The following ABCE1 variants were observed in gnomAD, a reference collection of about 807,000 sequenced individuals.
The protein encoded by ABCE1 is ATP-binding cassette sub-family E member 1.
In ABCE1, 22 loss-of-function variants were observed where a neutral mutation model predicts 83.4. The observed-to-expected ratio is 0.26, with a 90% CI of 0.19 to 0.38. ABCE1 has a LOEUF of 0.38. Among genes scored for constraint, ABCE1 ranks in the 10% least tolerant of loss-of-function variants. The probability of loss-of-function intolerance (pLI) is 1.00; values close to 1 mark genes in which losing one functional copy is unlikely to be tolerated. For missense variants in ABCE1, 330 were observed against 721.9 expected (o/e 0.46, Z 6.22); for synonymous variants, 204 against 233.7 (o/e 0.87, Z 1.16).
chr4:145,127,373 G>A lies in ABCE1; in HGVS notation c.1753-153G>A, dbSNP rs187738265. ...GTAGTTATCTTTCCTTTGAGCAGTGGACCCAGGAATATCCAGAAACAGATG... is the reference window on the plus strand; with the variant it reads ...GTAGTTATCTTTCCTTTGAGCAGTGAACCCAGGAATATCCAGAAACAGATG... On this transcript the variant is annotated intron_variant, in intron 17 of 17. Transcript: ENST00000296577. Among the ~76,000 whole-genome samples, 10 of 152,264 alleles carry A rather than the reference G, an allele frequency of 6.6e-5. No individual in the cohort carries two copies. In the East Asian group the frequency reaches 1.9e-3, roughly 29 times the overall value.
intron 11 of ABCE1, 28 bp from the exon 12 acceptor site, chr4:145,121,146 A>G (rs1749732221): frequency 6.2e-7 from 1 of 1,610,770 alleles, no homozygotes; most frequent in Admixed American, 1.7e-5. Flanking sequence ...CATCTTTCAG[A>G]TCAAACTGTC....
chr4:145,126,252 T>C (rs2126716928), intron 17 of ABCE1, among the ~76,000 whole-genome samples: 1 of 152,234 alleles, frequency 6.6e-6, no homozygotes, highest in African/African-American at 2.4e-5. Flanking sequence ...AGAAAGTAAA[T>C]GAACTCTAAA....
chr4:145,122,853 T>C (rs144283643), intron 13 of ABCE1, 168 bp from the exon 14 acceptor site: 60 of 536,658 alleles, frequency 1.1e-4, no homozygotes, highest in African/African-American at 1.0e-3. Flanking sequence ...ATGATGGGTT[T>C]TGAATAGAAA....
chr4:145,108,286 T>A (rs1373455532), intron 4 of ABCE1, among the ~76,000 whole-genome samples, 174 bp downstream of exon 4: 2 of 152,212 alleles, frequency 1.3e-5, no homozygotes, highest in Non-Finnish European at 2.9e-5. Flanking sequence ...TCATTCTGGC[T>A]AACATTACAG....
At chr4:145,111,956 A>G (rs1372682806) in intron 8 of ABCE1, among the ~76,000 whole-genome samples, 1 of 152,208 alleles carries the variant, frequency 6.6e-6, no homozygotes, top group Non-Finnish European at 1.5e-5. Context: ...TTGAGACTAT[A>G]TCAGAATACT....
chr4:145,112,442 T>A (rs754013833), intron 9 of ABCE1, 114 bp downstream of exon 9: 3 of 763,938 alleles, frequency 3.9e-6, no homozygotes, highest in Non-Finnish European at 6.3e-6. Context: ...ATCTTGGTTG[T>A]TTATAGCTGC....
chr4:145,119,180 A>G (rs188436791), intron 10 of ABCE1, among the ~76,000 whole-genome samples: 1 of 152,052 alleles, frequency 6.6e-6, no homozygotes, highest in African/African-American at 2.4e-5. Flanking sequence ...TCAGTTCCAA[A>G]TAAAATGAAT....
intron 9 of ABCE1, among the ~76,000 whole-genome samples, chr4:145,112,768 G>T (rs879006928): frequency 6.6e-6 from 1 of 152,130 alleles, no homozygotes; most frequent in Admixed American, 6.5e-5. Context: ...AATACGCTGT[G>T]TTTATAGGGT....
chr4:145,109,505 A>G (rs916886497), intron 5 of ABCE1, among the ~76,000 whole-genome samples: 15 of 152,154 alleles, frequency 9.9e-5, no homozygotes, highest in Non-Finnish European at 4.4e-5. Flanking sequence ...ACACGTTTCT[A>G]TTTAATTTGT....
intron 2 of ABCE1, among the ~76,000 whole-genome samples, chr4:145,104,847 A>G (rs1325958141): frequency 6.6e-6 from 1 of 151,564 alleles, no homozygotes; most frequent in Non-Finnish European, 1.5e-5. Flanking sequence ...ATTAATTACT[A>G]TAATCAATGG....
intron 9 of ABCE1, 34 bp from the exon 10 acceptor site, chr4:145,117,259 A>T: frequency 6.4e-7 from 1 of 1,561,230 alleles, no homozygotes; most frequent in Non-Finnish European, 8.7e-7. Context: ...ATAGTTATGT[A>T]AGAGTTTTAA....
Position 145,112,454 on chromosome 4 carries a change from A to C in ABCE1, c.800+126A>C, listed in dbSNP as rs1309389292. ...TTTATCTTGGTTGTTTATAGCTGCC[A>C]CCTAAATTTACCTTTCTTTACCTAG... is the stretch of plus-strand genomic sequence containing the variant. On this transcript the variant is annotated intron_variant, in intron 9 of 17. Transcript: ENST00000296577. 8 of 679,712 alleles carry C rather than the reference A, an allele frequency of 1.2e-5. No individual in the cohort carries two copies. In the South Asian group the frequency reaches 1.6e-4, roughly 13 times the overall value. 42.1% of individuals were successfully genotyped at this position (679,712 alleles called of 1,614,324 possible).
At chr4:145,120,302 A>AT (rs1020310834) in intron 11 of ABCE1, 149 bp downstream of exon 11, 36 of 672,536 alleles carry the variant, frequency 5.4e-5, no homozygotes, top group Middle Eastern at 4.1e-4. Context: ...GTACTTTCAC[A>AT]TTTTTTTGGC....
chr4:145,121,339 T>C lies in ABCE1; in HGVS notation c.1211T>C (p.Val404Ala). The change falls in exon 13 of 18, where the codon GTA (valine) becomes GCA (alanine). Residue 404 changes from valine (V) to alanine (A), a missense_variant. Physicochemically the swap from Val to Ala is moderately conservative, Grantham distance 64. Transcript: ENST00000296577. ...GRLKPDEGGE[V>A]PVLNVSYKPQ... The stretch of plus-strand genomic sequence containing the variant: ...GTATTTCATTATTTTGCAGGAGAAG[T>C]ACCAGTTCTAAATGTCAGTTATAAG... 6.2e-7 allele frequency: 1 copy of C among 1,613,254 alleles called. No homozygotes were observed. The highest frequency in any genetic ancestry group is 8.5e-7 in the Non-Finnish European group (1 of 1,179,526).
chr4:145,123,185 T>G, intron 14 of ABCE1, 30 bp from the exon 15 acceptor site: 1 of 1,596,128 alleles, frequency 6.3e-7, no homozygotes, highest in Non-Finnish European at 8.5e-7. Context: ...TTGGATGCCT[T>G]TACATGGTTT....
At chr4:145,111,568 C>G (rs1210781688) in intron 8 of ABCE1, among the ~76,000 whole-genome samples, 1 of 152,144 alleles carries the variant, frequency 6.6e-6, no homozygotes, top group Non-Finnish European at 1.5e-5. Flanking sequence ...CCTCAATGAT[C>G]CACCCACCTC....
chr4:145,102,151 G>C (rs1749169235), intron 1 of ABCE1, among the ~76,000 whole-genome samples: 1 of 152,090 alleles, frequency 6.6e-6, no homozygotes, highest in South Asian at 2.1e-4. Context: ...GCAATTGATT[G>C]GTCAGGTGAA....
intron 4 of ABCE1, 25 bp from the exon 5 acceptor site, chr4:145,109,107 T>A (rs1749391105): frequency 1.3e-6 from 2 of 1,515,332 alleles, no homozygotes; most frequent in East Asian, 4.5e-5. Context: ...TGAGTTGTTT[T>A]ATTATTTTTG....
intron 1 of ABCE1, among the ~76,000 whole-genome samples, chr4:145,103,236 G>A (rs1013626428): frequency 3.3e-5 from 5 of 152,022 alleles, no homozygotes; most frequent in African/African-American, 1.2e-4. Context: ...ACAAAGGGAA[G>A]CAGTCTATTA....
Sources: allele counts gnomAD v4.1 joint callset (sites outside exome capture counted in the v4.1 genomes callset), GRCh38; gene constraint gnomAD v4.1.1; transcripts MANE v1.5; gene names NCBI Gene and HGNC (gene_info 2026-07-23, HGNC 2026-07-21).